Variants in ZFHX3 observed in about 807,000 individuals in gnomAD.
The protein encoded by ZFHX3 is zinc finger homeobox protein 3.
In ZFHX3, 42 loss-of-function variants were observed where a neutral mutation model predicts 279.1. That is an observed-to-expected ratio of 0.15 (90% confidence interval 0.12 to 0.19). ZFHX3 has a LOEUF of 0.19. Ranked by LOEUF, ZFHX3 falls within the 10% of genes least tolerant of loss-of-function variation. The pLI is 1.00. For missense variants in ZFHX3, 4,981 were observed against 4,754.0 expected (o/e 1.05, Z -1.40); for synonymous variants, 2,293 against 1,957.8 (o/e 1.17, Z -4.52).
chr16:73,272,311 T>G (rs1300944332), intron 4 of ZFHX3, among the ~76,000 whole-genome samples: 2 of 152,188 alleles, frequency 1.3e-5, no homozygotes, highest in Admixed American at 1.3e-4. Context: ...TCTCTCCCAG[T>G]TTTTTTCTGG....
intron 2 of ZFHX3, among the ~76,000 whole-genome samples, chr16:73,672,393 T>A (rs2052912855): frequency 1.3e-5 from 2 of 152,120 alleles, no homozygotes. Context: ...GGGGACCCAA[T>A]AGGACTAACT....
intron 2 of ZFHX3, among the ~76,000 whole-genome samples, chr16:73,667,075 T>A (rs1333382852): frequency 6.6e-6 from 1 of 151,964 alleles, no homozygotes; most frequent in Non-Finnish European, 1.5e-5. Flanking sequence ...CACTACAACC[T>A]CCACCTCTCG....
intron 1 of ZFHX3, among the ~76,000 whole-genome samples, chr16:73,742,600 G>A (rs144167974): frequency 2.4e-4 from 36 of 152,250 alleles, no homozygotes; most frequent in African/African-American, 7.9e-4. Context: ...GGTCAACCTG[G>A]TTCATATCCA....
intron 5 of ZFHX3, among the ~76,000 whole-genome samples, chr16:73,148,159 C>T (rs1203341186): frequency 1.3e-5 from 2 of 152,196 alleles, no homozygotes; most frequent in African/African-American, 4.8e-5. Context: ...TTCTGCACCA[C>T]GACAGCAGAG....
At chr16:73,005,354 G>T (rs1244378523) in intron 1 of ZFHX3, among the ~76,000 whole-genome samples, 1 of 152,062 alleles carries the variant, frequency 6.6e-6, no homozygotes, top group African/African-American at 2.4e-5. Context: ...AATTAGCTGG[G>T]CATGGTGGCG....
At chr16:73,670,110 G>C (rs1394121486) in intron 2 of ZFHX3, among the ~76,000 whole-genome samples, 2 of 152,166 alleles carry the variant, frequency 1.3e-5, no homozygotes, top group Non-Finnish European at 2.9e-5. Flanking sequence ...GCTGGATAAG[G>C]TGGTTTCCCT....
At chr16:73,385,674 C>G (rs1411738432) in intron 3 of ZFHX3, among the ~76,000 whole-genome samples, 1 of 152,172 alleles carries the variant, frequency 6.6e-6, no homozygotes, top group Non-Finnish European at 1.5e-5. Flanking sequence ...GGCTTTATGT[C>G]CAGCATAAGA....
intron 2 of ZFHX3, among the ~76,000 whole-genome samples, chr16:73,615,214 G>C (rs1253780757): frequency 6.6e-6 from 1 of 151,824 alleles, no homozygotes; most frequent in Non-Finnish European, 1.5e-5. Context: ...AAAGGAGGAG[G>C]GAGGGGAAGG....
At chr16:73,450,607 T>C (rs181682410) in intron 3 of ZFHX3, among the ~76,000 whole-genome samples, 12 of 152,318 alleles carry the variant, frequency 7.9e-5, no homozygotes, top group Non-Finnish European at 1.0e-4. Context: ...AACTCTGCTG[T>C]TTTCTTTAGA....
intron 3 of ZFHX3, among the ~76,000 whole-genome samples, chr16:73,383,569 G>T (rs1004227932): frequency 3.9e-5 from 6 of 152,116 alleles, no homozygotes; most frequent in Admixed American, 2.6e-4. Context: ...ACCGCAGAGG[G>T]ACCCCGCATC....
In ZFHX3 at chr16:73,634,433, A is replaced by ATTATATAT. The variant is rs1197229737; in HGVS notation, c.-1547+45746_-1547+45747insATATATAA. 2.0e-3 allele frequency among the ~76,000 whole-genome samples: 122 copies of ATTATATAT among 59,904 alleles called. 1 individual carries two copies. The highest frequency in any genetic ancestry group is 5.0e-3 in the African/African-American group (116 of 22,988). 39.3% of individuals were successfully genotyped at this position (59,904 alleles called of 152,430 possible). A position where few individuals can be genotyped will look rare whatever the true frequency, so the allele number is the denominator to read the frequency against. On this transcript the variant is annotated intron_variant, in intron 2 of 17. Transcript: ENST00000641206. ...GGCAACTCAACCAGTTATTATGTAT[A>ATTATATAT]ATATATATATATATATATATATATA...
intron 2 of ZFHX3, among the ~76,000 whole-genome samples, chr16:73,583,580 A>G (rs1279725974): frequency 6.6e-6 from 1 of 152,204 alleles, no homozygotes; most frequent in African/African-American, 2.4e-5. Flanking sequence ...TAACAATGAA[A>G]TTTATCACTA....
At chr16:73,217,144 G>A (rs1043796846) in intron 5 of ZFHX3, among the ~76,000 whole-genome samples, 2 of 152,218 alleles carry the variant, frequency 1.3e-5, no homozygotes, top group African/African-American at 4.8e-5. Context: ...TGTTACAGAT[G>A]AGTCAGAGGG....
intron 3 of ZFHX3, among the ~76,000 whole-genome samples, chr16:73,368,841 A>G (rs1311903686): frequency 6.6e-6 from 1 of 152,206 alleles, no homozygotes; most frequent in East Asian, 1.9e-4. Context: ...GGAGGCAATT[A>G]TTACCAGCCC....
At chr16:73,025,935 A>T (rs1361943501) in intron 1 of ZFHX3, among the ~76,000 whole-genome samples, 1 of 152,134 alleles carries the variant, frequency 6.6e-6, no homozygotes, top group East Asian at 1.9e-4. Context: ...ACTTCACCCA[A>T]TGTGACACAG....
intron 4 of ZFHX3, among the ~76,000 whole-genome samples, chr16:72,878,078 A>C (rs1294600506): frequency 6.6e-6 from 1 of 151,822 alleles, no homozygotes; most frequent in Non-Finnish European, 1.5e-5. Context: ...TGCTACTTGG[A>C]AGACTGAGGC....
chr16:72,989,337 C>G (rs1222932028), intron 1 of ZFHX3, among the ~76,000 whole-genome samples: 1 of 151,906 alleles, frequency 6.6e-6, no homozygotes, highest in East Asian at 1.9e-4. Context: ...CAAATATTAG[C>G]CAGGCGTGGT....
At chr16:72,936,661 C>T (rs968145778) in intron 3 of ZFHX3, among the ~76,000 whole-genome samples, 1 of 152,004 alleles carries the variant, frequency 6.6e-6, no homozygotes, top group Admixed American at 6.6e-5. Flanking sequence ...GTGTAGGGGG[C>T]AAAGGGGAGA....
intron 2 of ZFHX3, among the ~76,000 whole-genome samples, chr16:73,473,354 A>T (rs865939696): frequency 2.0e-5 from 1 of 49,872 alleles, no homozygotes; most frequent in African/African-American, 7.4e-5. Context: ...AAAAAAAAAA[A>T]AAACAAAAAA....
Sources: allele counts gnomAD v4.1 joint callset (sites outside exome capture counted in the v4.1 genomes callset), GRCh38; gene constraint gnomAD v4.1.1; transcripts MANE v1.5; gene names NCBI Gene and HGNC (gene_info 2026-07-23, HGNC 2026-07-21).